The following HIBADH variants were observed in gnomAD, a reference collection of about 807,000 sequenced individuals.
The protein encoded by HIBADH is 3-hydroxyisobutyrate dehydrogenase.
A neutral mutation model predicts 36.1 loss-of-function variants in HIBADH; 25 were observed. The ratio of observed to expected loss-of-function variants is 0.69; its 90% confidence interval spans 0.50 to 0.97. The LOEUF (loss-of-function observed/expected upper bound fraction) is 0.97. HIBADH is among the 50% of genes least tolerant of loss of function. The pLI is 0.00. For synonymous variants in HIBADH, 160 were observed against 149.5 expected (o/e 1.07, Z -0.51); for missense variants, 421 against 418.0 (o/e 1.01, Z -0.06).
At chr7:27,560,052 G>A (rs1024233953) in intron 4 of HIBADH, among the ~76,000 whole-genome samples, 4 of 152,148 alleles carry the variant, frequency 2.6e-5, no homozygotes, top group African/African-American at 9.7e-5. Flanking sequence ...AGACATCCCT[G>A]TTCATCACAA....
In HIBADH at chr7:27,646,925, G is replaced by A. The variant is rs1583618399; in HGVS notation, c.252+2548C>T. 2.0e-5 allele frequency among the ~76,000 whole-genome samples: 3 copies of A among 151,806 alleles called. 1 individual carries two copies. The South Asian group carries it at 6.2e-4, about 32-fold the overall frequency. ...TGGCCAGGCTGGTCTTGAACTCCTG[G>A]CCTCAGGTGATCCGCCTGCCTTGGC... On this transcript the variant is annotated intron_variant, in intron 2 of 7. Coordinates refer to ENST00000265395, the MANE Select transcript of HIBADH (RefSeq NM_152740.4).
At chr7:27,640,754 G>A (rs1785945935) in intron 2 of HIBADH, among the ~76,000 whole-genome samples, 2 of 152,192 alleles carry the variant, frequency 1.3e-5, no homozygotes, top group Admixed American at 1.3e-4. Context: ...TCATGGTGTA[G>A]TGTATTTCTT....
At chr7:27,526,683 CAT>C (rs1783905521) in intron 7 of HIBADH, among the ~76,000 whole-genome samples, 1 of 151,930 alleles carries the variant, frequency 6.6e-6, no homozygotes, top group Non-Finnish European at 1.5e-5. Flanking sequence ...ATCTTTAAGA[CAT>C]AAATTTTTTT....
intron 1 of HIBADH, among the ~76,000 whole-genome samples, chr7:27,653,997 A>C (rs1786248663): frequency 6.6e-6 from 1 of 152,212 alleles, no homozygotes; most frequent in Non-Finnish European, 1.5e-5. Flanking sequence ...GACGTTAAAA[A>C]TTATAACTGT....
At chr7:27,606,470 G>C (rs1437317211) in intron 4 of HIBADH, among the ~76,000 whole-genome samples, 4 of 152,194 alleles carry the variant, frequency 2.6e-5, no homozygotes, top group African/African-American at 9.6e-5. Context: ...TGTCCTGCAA[G>C]AGTTTCAAAG....
At chr7:27,568,203 T>C (rs192894850) in intron 4 of HIBADH, among the ~76,000 whole-genome samples, 140 of 152,326 alleles carry the variant, frequency 9.2e-4, no homozygotes, top group Middle Eastern at 3.4e-3. Context: ...AGTTCCTTTA[T>C]CCTTTTTTTG....
chr7:27,558,161 T>G (rs1289042746), intron 4 of HIBADH, among the ~76,000 whole-genome samples: 1 of 152,210 alleles, frequency 6.6e-6, no homozygotes, highest in Non-Finnish European at 1.5e-5. Context: ...TCTTAAAGAT[T>G]TGTCTTCTGA....
chr7:27,598,425 T>C (rs1165385459), intron 4 of HIBADH, among the ~76,000 whole-genome samples: 2 of 152,228 alleles, frequency 1.3e-5, no homozygotes, highest in Non-Finnish European at 2.9e-5. Flanking sequence ...TAATCAATCC[T>C]GGTTTTTATT....
intron 4 of HIBADH, among the ~76,000 whole-genome samples, chr7:27,628,828 C>T (rs61659103): frequency 0.12 from 18,614 of 151,896 alleles, 1,265 homozygotes; most frequent in Middle Eastern, 0.16. Flanking sequence ...TCTTTTATAA[C>T]ATTTCTATCT....
At chr7:27,571,157 A>G (rs942043381) in intron 4 of HIBADH, among the ~76,000 whole-genome samples, 12 of 151,978 alleles carry the variant, frequency 7.9e-5, no homozygotes, top group Admixed American at 1.3e-4. Flanking sequence ...TTAAATTTCA[A>G]TGATTTTTCT....
At chr7:27,541,114 A>G (rs1215091662) in intron 5 of HIBADH, among the ~76,000 whole-genome samples, 1 of 150,382 alleles carries the variant, frequency 6.6e-6, no homozygotes, top group Non-Finnish European at 1.5e-5. Flanking sequence ...TCTTCCTAAT[A>G]AATGTCCTTC....
intron 1 of HIBADH, among the ~76,000 whole-genome samples, chr7:27,661,587 A>C (rs1786419470): frequency 1.4e-4 from 1 of 7,246 alleles, no homozygotes; most frequent in Non-Finnish European, 3.3e-4. Flanking sequence ...CCCTGTCTCA[A>C]AAAAAAAAAA....
intron 4 of HIBADH, among the ~76,000 whole-genome samples, chr7:27,612,974 T>TTA (rs1210193885): frequency 1.2e-4 from 16 of 137,886 alleles, no homozygotes; most frequent in South Asian, 2.1e-4. Context: ...TATATATATA[T>TTA]TATATATATA....
intron 4 of HIBADH, among the ~76,000 whole-genome samples, chr7:27,629,104 A>G (rs1785699931): frequency 6.6e-6 from 1 of 152,108 alleles, no homozygotes; most frequent in Non-Finnish European, 1.5e-5. Flanking sequence ...ATTTTCTAAA[A>G]ACTGATGTAT....
chr7:27,661,241 A>G (rs1196057478), intron 1 of HIBADH, among the ~76,000 whole-genome samples: 1 of 152,176 alleles, frequency 6.6e-6, no homozygotes, highest in Non-Finnish European at 1.5e-5. Context: ...CTCCAGCCAG[A>G]AAGGAAATTC....
intron 4 of HIBADH, among the ~76,000 whole-genome samples, chr7:27,552,380 C>G (rs1244097506): frequency 6.6e-6 from 1 of 152,186 alleles, no homozygotes; most frequent in African/African-American, 2.4e-5. Context: ...TCACAGCACT[C>G]TTCTGGAGTC....
chr7:27,591,673 C>T (rs1784943201), intron 4 of HIBADH, among the ~76,000 whole-genome samples: 3 of 152,116 alleles, frequency 2.0e-5, no homozygotes, highest in African/African-American at 7.2e-5. Context: ...TTTACATATA[C>T]ACACAATGTA....
chr7:27,534,455 G>A (rs1289861731), intron 6 of HIBADH, among the ~76,000 whole-genome samples: 1 of 152,184 alleles, frequency 6.6e-6, no homozygotes, highest in Non-Finnish European at 1.5e-5. Context: ...AGGAAGCTAA[G>A]AGGAGGCTGT....
chr7:27,556,015 C>T (rs906363589), intron 4 of HIBADH, among the ~76,000 whole-genome samples: 2 of 151,938 alleles, frequency 1.3e-5, no homozygotes, highest in African/African-American at 2.4e-5. Flanking sequence ...TAAAGATAGT[C>T]GTGAATTAGA....
Sources: gnomAD v4.1 joint callset for allele counts (sites outside exome capture counted in the v4.1 genomes callset) on GRCh38, gnomAD v4.1.1 for gene constraint, MANE v1.5 for transcripts, NCBI Gene and HGNC (gene_info 2026-07-23, HGNC 2026-07-21) for gene names.